The following ELFN1 variants were observed in gnomAD, a reference collection of about 807,000 sequenced individuals.
ELFN1 encodes the protein extracellular leucine rich repeat and fibronectin type III domain containing 1, also known as protein ELFN1.
A neutral mutation model predicts 7.6 loss-of-function variants in ELFN1; 6 were observed. The ratio of observed to expected loss-of-function variants is 0.79; its 90% CI spans 0.43 to 1.56. The LOEUF is 1.56. Among genes scored for constraint, ELFN1 ranks in the 40% most tolerant of loss-of-function variants. ELFN1 has a pLI of 0.01. For missense variants in ELFN1, 1,169 were observed against 1,232.2 expected (o/e 0.95, Z 0.77); for synonymous variants, 657 against 588.1 (o/e 1.12, Z -1.70).
chr7:1,727,269 T>C (rs1780223637), intron 3 of ELFN1, among the ~76,000 whole-genome samples: 1 of 152,200 alleles, frequency 6.6e-6, no homozygotes, highest in African/African-American at 2.4e-5. Flanking sequence ...CCATGCAGTC[T>C]TGCTCTTCTC....
At chr7:1,685,901 T>G (rs1189072264) in intron 1 of ELFN1, among the ~76,000 whole-genome samples, 1 of 147,838 alleles carries the variant, frequency 6.8e-6, no homozygotes, top group African/African-American at 2.5e-5. Flanking sequence ...TTATAGTTTA[T>G]CTTTCAACGG....
chr7:1,666,916 C>T (rs1583298794), upstream of ELFN1, among the ~76,000 whole-genome samples: 3 of 152,006 alleles, frequency 2.0e-5, no homozygotes, highest in South Asian at 6.2e-4. The surrounding 1 kb of genome is among the most constrained non-coding windows in gnomAD (Gnocchi z 7.9). Context: ...CCGGGAAGGA[C>T]CCGCTCGCGG....
At chr7:1,686,358 G>A (rs1252252626) in intron 1 of ELFN1, among the ~76,000 whole-genome samples, 1 of 149,106 alleles carries the variant, frequency 6.7e-6, no homozygotes, top group African/African-American at 2.5e-5. Context: ...TGTTGCCCAG[G>A]CTGGAGTACA....
At chr7:1,717,994 A>G (rs1289193027) in intron 3 of ELFN1, among the ~76,000 whole-genome samples, 2 of 152,134 alleles carry the variant, frequency 1.3e-5, no homozygotes, top group African/African-American at 4.8e-5. Context: ...ATAAGATAGA[A>G]GTTTATTTCT....
chr7:1,709,221 G>T lies in ELFN1; in HGVS notation c.-325G>T, dbSNP rs984488212. 1.5e-4 allele frequency: 23 copies of T among 152,268 alleles called. No homozygotes were observed. The highest frequency in any genetic ancestry group is 1.3e-4 in the Admixed American group (2 of 15,276). 9.4% of individuals were successfully genotyped at this position (152,268 alleles called of 1,614,324 possible). On this transcript the variant is annotated 5_prime_UTR_variant, in exon 3 of 4. Transcript: ENST00000424383. ...ATCCTCCAGCCTATTCCTCGCTGGTGCATCAGGTCGTTGGCGGGCCCTGAC... is the reference window on the plus strand; with the variant it reads ...ATCCTCCAGCCTATTCCTCGCTGGTTCATCAGGTCGTTGGCGGGCCCTGAC...
upstream of ELFN1, among the ~76,000 whole-genome samples, chr7:1,670,052 G>A (rs2128571985): frequency 6.6e-6 from 1 of 151,702 alleles, no homozygotes; most frequent in African/African-American, 2.4e-5. This position sits in a 1 kb window ranked among gnomAD's most constrained non-coding sequence, Gnocchi z 6.4. Context: ...GGAGGCCAGG[G>A]AGAGAAGGGG....
In ELFN1 at chr7:1,670,741, C is replaced by T. The variant is rs1237010689; in HGVS notation, c.-549+387C>T. On this transcript the variant is annotated intron_variant, in intron 1 of 3. Transcript: ENST00000424383. This position sits in a 1 kb window ranked among gnomAD's most constrained non-coding sequence, Gnocchi z 6.4. ...GACGCGGCCCCCTGCCCTTCCCTTC[C>T]CGGAAATTAGGGGGCTGTCCTCACC... Among the ~76,000 whole-genome samples the T allele has an allele frequency of 2.0e-5, 3 of 152,190 alleles. No homozygotes were observed. The highest frequency in any genetic ancestry group is 7.2e-5 in the African/African-American group (3 of 41,464).
chr7:1,707,851 C>T (rs978194405), intron 2 of ELFN1, among the ~76,000 whole-genome samples: 1 of 152,204 alleles, frequency 6.6e-6, no homozygotes, highest in African/African-American at 2.4e-5. Context: ...CCTCCAGCTA[C>T]AGGTTCCTGT....
In ELFN1 at chr7:1,744,462, G is replaced by A. The variant is rs777475191; in HGVS notation, c.-135G>A. ...CCGCGCTTACGTCGCGCGGCCATGCGGTTTGGGACAGGACACCCCTGAGAG... is the reference window on the plus strand; with the variant it reads ...CCGCGCTTACGTCGCGCGGCCATGCAGTTTGGGACAGGACACCCCTGAGAG... On this transcript the variant is annotated 5_prime_UTR_variant, in exon 4 of 4. Coordinates refer to ENST00000424383, the MANE Select transcript of ELFN1 (RefSeq NM_001128636.4). 3.9e-5 allele frequency: 41 copies of A among 1,061,476 alleles called. No individual in the cohort carries two copies. The highest frequency in any genetic ancestry group is 1.5e-4 in the African/African-American group (9 of 59,776). The allele number at this position is 1,061,476 out of a possible 1,614,324, so 65.8% of individuals were successfully genotyped here.
rs893856194 is a variant in ELFN1 at position 1,735,200 on chromosome 7, T to C, written c.-293-9104T>C. 2.6e-5 allele frequency among the ~76,000 whole-genome samples: 4 copies of C among 152,118 alleles called. No homozygotes were observed. Among genetic ancestry groups the C allele is most frequent in the Non-Finnish European group, 5.9e-5 (4 of 68,014 alleles). On this transcript the variant is annotated intron_variant, in intron 3 of 3. Coordinates refer to ENST00000424383, the MANE Select transcript of ELFN1 (RefSeq NM_001128636.4). This position sits in a 1 kb window ranked among gnomAD's most constrained non-coding sequence, Gnocchi z 5.9. ...GGAGGTGCTGCACACCGGCGGACCG[T>C]CGAGGAAACAGGAGCTTTTCTCTGT...
intron 3 of ELFN1, among the ~76,000 whole-genome samples, chr7:1,728,668 C>T: frequency 6.6e-6 from 1 of 152,224 alleles, no homozygotes; most frequent in East Asian, 1.9e-4. Flanking sequence ...CATGCGTTTT[C>T]TCACGTTCCC....
At position 1,745,256 on chromosome 7, in the gene ELFN1, C is replaced by T. The variant is rs956706524; in HGVS notation, c.660C>T (p.Cys220=). 22 of 1,539,116 alleles carry T rather than the reference C, an allele frequency of 1.4e-5. No individual in the cohort carries two copies. The East Asian group carries it at 2.0e-4, about 14-fold the overall frequency. The stretch of plus-strand genomic sequence containing the variant: ...CACAGACGTACGACCGCATGCAGTG[C>T]GAGTCGCCGCCCGTCTACTCCGGCT... ...NATQTYDRMQ[C]ESPPVYSGYY... is the part of the protein sequence containing the mutation. Residue 220 remains cysteine (C), a synonymous_variant, in exon 4 of 4, where the codon TGC becomes TGT. Transcript: ENST00000424383.
At chr7:1,736,067 C>T (rs775613556) in intron 3 of ELFN1, among the ~76,000 whole-genome samples, 1 of 152,230 alleles carries the variant, frequency 6.6e-6, no homozygotes, top group Non-Finnish European at 1.5e-5. Context: ...GCCGGGTCAC[C>T]GTGGCAGGCC....
intron 1 of ELFN1, among the ~76,000 whole-genome samples, chr7:1,671,167 A>ACCC (rs1778758594): frequency 9.6e-6 from 1 of 104,284 alleles, no homozygotes; most frequent in Admixed American, 9.6e-5. Context: ...CGTACCGCAC[A>ACCC]CCGCCCCCCC....
chr7:1,726,855 C>T (rs574825363), intron 3 of ELFN1, among the ~76,000 whole-genome samples: 68 of 152,320 alleles, frequency 4.5e-4, no homozygotes, highest in African/African-American at 1.6e-3. Context: ...CCGATTCTTC[C>T]GTAGGGGACC....
chr7:1,729,672 A>G (rs969682502), intron 3 of ELFN1, among the ~76,000 whole-genome samples: 1 of 152,200 alleles, frequency 6.6e-6, no homozygotes, highest in African/African-American at 2.4e-5. Flanking sequence ...GTGTCTCAGC[A>G]GGGGGTGTCA....
intron 3 of ELFN1, among the ~76,000 whole-genome samples, chr7:1,728,918 G>T (rs923294900): frequency 6.6e-6 from 1 of 152,166 alleles, no homozygotes; most frequent in African/African-American, 2.4e-5. Flanking sequence ...ATCTCATGAT[G>T]TCCATCATCT....
Position 1,746,723 on chromosome 7 carries a change from C to G in ELFN1, c.2127C>G (p.Gly709=), listed in dbSNP as rs1463139603. ...GCGAGCACCGGCACTCGTACCCCGG[C>G]TCCCACCCGGCCGAGCCACCTGCGC... ...QYGEHRHSYP[G]SHPAEPPAPP... The change falls in exon 4 of 4, where the codon GGC becomes GGG. Residue 709 remains glycine (G), a synonymous_variant. Coordinates refer to ENST00000424383, the MANE Select transcript of ELFN1 (RefSeq NM_001128636.4). The G allele has an allele frequency of 6.8e-7, 1 of 1,480,282 alleles. No individual in the cohort carries two copies. Among genetic ancestry groups the G allele is most frequent in the Non-Finnish European group, 8.9e-7 (1 of 1,121,982 alleles). The allele number at this position is 1,480,282 out of a possible 1,614,324, so 91.7% of individuals were successfully genotyped here.
At chr7:1,715,968 C>T (rs1779818635) in intron 3 of ELFN1, among the ~76,000 whole-genome samples, 1 of 152,232 alleles carries the variant, frequency 6.6e-6, no homozygotes, top group Non-Finnish European at 1.5e-5. Flanking sequence ...GTTTGGCACC[C>T]AGCAGGAGGG....
Sources: allele counts gnomAD v4.1 joint callset (sites outside exome capture counted in the v4.1 genomes callset), GRCh38; gene constraint gnomAD v4.1.1; non-coding constraint Gnocchi (gnomAD v3.1); transcripts MANE v1.5; gene names NCBI Gene and HGNC (gene_info 2026-07-23, HGNC 2026-07-21).